CEMIP: variants seen among roughly 807,000 people sequenced by gnomAD.
CEMIP encodes the protein cell migration inducing hyaluronidase 1.
Under a neutral mutation model 156.9 loss-of-function variants are expected in CEMIP, and 105 were observed. The ratio of observed to expected loss-of-function variants is 0.67; its 90% CI spans 0.57 to 0.79. CEMIP has a LOEUF of 0.79. Ranked by LOEUF, CEMIP falls within the 30% of genes least tolerant of loss-of-function variation. The pLI is 0.00. For synonymous variants in CEMIP, 676 were observed against 668.4 expected (o/e 1.01, Z -0.17); for missense variants, 1,457 against 1,769.4 (o/e 0.82, Z 3.17).
chr15:80,883,847 G>A (rs1206717119), intron 6 of CEMIP, among the ~76,000 whole-genome samples: 3 of 152,144 alleles, frequency 2.0e-5, no homozygotes, highest in Admixed American at 2.0e-4. Flanking sequence ...GGATGAAAGG[G>A]GAACATCAAA....
At chr15:80,785,322 G>A (rs371818373) in intron 1 of CEMIP, among the ~76,000 whole-genome samples, 10 of 152,230 alleles carry the variant, frequency 6.6e-5, no homozygotes, top group African/African-American at 1.9e-4. Flanking sequence ...TGAAATTAAG[G>A]CCCAATTATC....
At position 80,933,150 on chromosome 15, in the gene CEMIP, C is replaced by A. The variant is rs114605113; in HGVS notation, c.2794-95C>A. 1.6e-3 allele frequency: 1,762 copies of A among 1,094,666 alleles called. 24 individuals are homozygous for A. In the African/African-American group the frequency reaches 0.024, roughly 15 times the overall value. 67.8% of individuals were successfully genotyped at this position (1,094,666 alleles called of 1,614,324 possible). On this transcript the variant is annotated intron_variant, in intron 22 of 29. Transcript: ENST00000394685. ...CATCTTTGTTTTGGCTGGCTTGTAACGTCAGTGGAAATCGGAAACCTCGCC... is the reference window on the plus strand; with the variant it reads ...CATCTTTGTTTTGGCTGGCTTGTAAAGTCAGTGGAAATCGGAAACCTCGCC...
chr15:80,901,547 C>T (rs1227818440), intron 12 of CEMIP, among the ~76,000 whole-genome samples: 1 of 151,922 alleles, frequency 6.6e-6, no homozygotes, highest in Non-Finnish European at 1.5e-5. Context: ...ACTAAAAATA[C>T]AAAAATTAAC....
At chr15:80,875,021 ATTTTTTTTT>A (rs755707756) in intron 3 of CEMIP, among the ~76,000 whole-genome samples, 3 of 64,916 alleles carry the variant, frequency 4.6e-5, no homozygotes, top group African/African-American at 1.3e-4. Flanking sequence ...AGCAAGTAGC[ATTTTTTTTT>A]TTTTTTTTTT....
chr15:80,811,060 A>C (rs1896661449), intron 1 of CEMIP, among the ~76,000 whole-genome samples: 1 of 152,220 alleles, frequency 6.6e-6, no homozygotes, highest in South Asian at 2.1e-4. Context: ...TGGGCCTTGT[A>C]GTAGACACCA....
intron 1 of CEMIP, among the ~76,000 whole-genome samples, chr15:80,816,153 G>C (rs1896783761): frequency 6.6e-6 from 1 of 152,156 alleles, no homozygotes; most frequent in African/African-American, 2.4e-5. Context: ...AGGGCAAAGT[G>C]GGTATATGGT....
In CEMIP at chr15:80,932,062, C is replaced by T. The variant is rs375895518; in HGVS notation, c.2793+23C>T. The T allele has an allele frequency of 6.2e-7, 1 of 1,610,380 alleles. No individual in the cohort carries two copies. Among genetic ancestry groups the T allele is most frequent in the East Asian group, 2.2e-5 (1 of 44,874 alleles). ...CCGGTGAGTGAGGCGCCAGGGCAGACTCCCGGCAAACCCAGACTTTGGATG... is the reference window on the plus strand; with the variant it reads ...CCGGTGAGTGAGGCGCCAGGGCAGATTCCCGGCAAACCCAGACTTTGGATG... On this transcript the variant is annotated intron_variant, in intron 22 of 29. Transcript: ENST00000394685. This position sits in a 1 kb window ranked among gnomAD's most constrained non-coding sequence, Gnocchi z 4.5.
intron 1 of CEMIP, among the ~76,000 whole-genome samples, chr15:80,829,965 G>GGTGTGTGTGTGTGTGTGT (rs370594946): frequency 7.0e-4 from 93 of 133,792 alleles, no homozygotes; most frequent in African/African-American, 2.4e-3. Flanking sequence ...GGAGGTAGCG[G>GGTGTGTGTGTGTGTGTGT]GTGTGTGTGT....
At position 80,906,884 on chromosome 15, in the gene CEMIP, C is replaced by A; in HGVS notation, c.1587+46C>A. On this transcript the variant is annotated intron_variant, in intron 13 of 29. Coordinates refer to ENST00000394685, the MANE Select transcript of CEMIP (RefSeq NM_001293298.2). This position sits in a 1 kb window ranked among gnomAD's most constrained non-coding sequence, Gnocchi z 4.3. ...GTCTTTCAACCCAACCAGGAGAGTTCCTATGATGTCAGCCTCTAGACGGGC... is the reference window on the plus strand; with the variant it reads ...GTCTTTCAACCCAACCAGGAGAGTTACTATGATGTCAGCCTCTAGACGGGC... 8 of 1,566,914 alleles carry A rather than the reference C, an allele frequency of 5.1e-6. No homozygotes were observed. The highest frequency in any genetic ancestry group is 6.9e-6 in the Non-Finnish European group (8 of 1,152,762).
At chr15:80,896,089 C>G in intron 12 of CEMIP, 29 bp downstream of exon 12, 1 of 1,601,716 alleles carries the variant, frequency 6.2e-7, no homozygotes, top group East Asian at 2.2e-5. Flanking sequence ...CCTTCCTAGA[C>G]TGGATGAATC....
Position 80,797,771 on chromosome 15 carries a change from G to A in CEMIP, c.-176+18157G>A, listed in dbSNP as rs59776153. Among the ~76,000 whole-genome samples the A allele has an allele frequency of 7.8e-3, 1,189 of 152,340 alleles. 9 individuals carry two copies. The highest frequency in any genetic ancestry group is 0.023 in the African/African-American group (954 of 41,574). Reference sequence around the variant, plus strand: ...CCTCCACACACCCACGGTGGACCTGGGAACTAGATGAGAAAGAAGTCCTGC... The same window carrying A: ...CCTCCACACACCCACGGTGGACCTGAGAACTAGATGAGAAAGAAGTCCTGC... On this transcript the variant is annotated intron_variant, in intron 1 of 29. Coordinates refer to ENST00000394685, the MANE Select transcript of CEMIP (RefSeq NM_001293298.2).
intron 14 of CEMIP, among the ~76,000 whole-genome samples, chr15:80,914,237 C>T (rs1002913594): frequency 1.3e-5 from 2 of 152,164 alleles, no homozygotes; most frequent in Non-Finnish European, 2.9e-5. Flanking sequence ...TGGAATGGTC[C>T]AGTACTTTTG....
intron 1 of CEMIP, among the ~76,000 whole-genome samples, chr15:80,802,830 G>A (rs1158301983): frequency 6.6e-6 from 1 of 152,160 alleles, no homozygotes; most frequent in African/African-American, 2.4e-5. Flanking sequence ...CTCCAGGCCT[G>A]TGTTTTCTCA....
intron 14 of CEMIP, among the ~76,000 whole-genome samples, chr15:80,919,177 C>A (rs553898133): frequency 1.3e-5 from 2 of 152,284 alleles, no homozygotes; most frequent in South Asian, 4.1e-4. Flanking sequence ...TGGCTTGATG[C>A]ACGTCTTGGG....
At position 80,904,620 on chromosome 15, in the gene CEMIP, A is replaced by G. The variant is rs375180004; in HGVS notation, c.1412-2043A>G. On this transcript the variant is annotated intron_variant, in intron 12 of 29. Transcript: ENST00000394685. The stretch of plus-strand genomic sequence containing the variant: ...GACACAGGAAGGTCAGAGTCAGAAG[A>G]AAGTGACGTGATGACAGGGGCAGCG... Among the ~76,000 whole-genome samples, 828 of 152,332 alleles carry G rather than the reference A, an allele frequency of 5.4e-3. 7 individuals are homozygous for G. Among genetic ancestry groups the G allele is most frequent in the Middle Eastern group, 0.02 (6 of 294 alleles).
At chr15:80,936,581 A>G in intron 23 of CEMIP, 93 bp from the exon 24 acceptor site, 1 of 1,136,204 alleles carries the variant, frequency 8.8e-7, no homozygotes, top group South Asian at 1.2e-5. Context: ...AGTGCCTTTG[A>G]AAGTGCGGTC....
At chr15:80,847,530 C>T (rs1897592907) in intron 1 of CEMIP, among the ~76,000 whole-genome samples, 3 of 152,190 alleles carry the variant, frequency 2.0e-5, no homozygotes, top group Admixed American at 2.0e-4. Context: ...AAGATCCAGT[C>T]CCTTCACTGC....
rs145319771 is a variant in CEMIP, at chr15:80,865,596, G to C, written c.-175-7942G>C. On this transcript the variant is annotated intron_variant, in intron 1 of 29. Transcript: ENST00000394685. ...CAGCCATGTCCAGCCCTTTGAACGT[G>C]AGGACTTTTTTGCTTATCTGTGATG... is the stretch of plus-strand genomic sequence containing the variant. Among the ~76,000 whole-genome samples the C allele has an allele frequency of 9.9e-5, 15 of 151,772 alleles. No individual in the cohort carries two copies. The East Asian group carries it at 2.9e-3, about 29-fold the overall frequency.
At position 80,932,189 on chromosome 15, in the gene CEMIP, C is replaced by T. The variant is rs1900943915; in HGVS notation, c.2793+150C>T. ...AGGCTGGGCCATGTCCCAGTTTGCT[C>T]TTCATCCAAACTGGAAAAGTACAAG... On this transcript the variant is annotated intron_variant, in intron 22 of 29. Coordinates refer to ENST00000394685, the MANE Select transcript of CEMIP (RefSeq NM_001293298.2). The surrounding 1 kb of genome is among the most constrained non-coding windows in gnomAD (Gnocchi z 4.5). 2.1e-6 allele frequency: 2 copies of T among 934,010 alleles called. No homozygotes were observed. The highest frequency in any genetic ancestry group is 1.6e-5 in the African/African-American group (1 of 61,484). The allele number at this position is 934,010 out of a possible 1,614,324, so 57.9% of individuals were successfully genotyped here.
Sources: gnomAD v4.1 joint callset for allele counts (sites outside exome capture counted in the v4.1 genomes callset) on GRCh38, gnomAD v4.1.1 for gene constraint, Gnocchi (gnomAD v3.1) non-coding constraint, MANE v1.5 for transcripts, NCBI Gene and HGNC (gene_info 2026-07-23, HGNC 2026-07-21) for gene names.